The following TMEM178B variants were observed in gnomAD, a reference collection of about 807,000 sequenced individuals.
TMEM178B encodes the protein transmembrane protein 178B.
Under a neutral mutation model 31.0 loss-of-function variants are expected in TMEM178B, and 5 were observed. The observed-to-expected ratio is 0.16, with a 90% confidence interval of 0.08 to 0.34. The LOEUF (loss-of-function observed/expected upper bound fraction) is 0.34, where lower values mean the gene tolerates loss of function less well. Among genes scored for constraint, TMEM178B ranks in the 10% least tolerant of loss-of-function variants. TMEM178B has a pLI of 1.00. For missense variants in TMEM178B, 275 were observed against 400.3 expected, an observed-to-expected ratio of 0.69 and a Z score of 2.67; for synonymous variants, 164 against 164.0, an observed-to-expected ratio of 1.00 and a Z score of 0.00.
At chr7:141,107,760 C>G (rs1184630322) in intron 1 of TMEM178B, among the ~76,000 whole-genome samples, 1 of 152,084 alleles carries the variant, frequency 6.6e-6, no homozygotes, top group Non-Finnish European at 1.5e-5. Flanking sequence ...ACTGGAGATA[C>G]AAATTTGAGA....
intron 2 of TMEM178B, among the ~76,000 whole-genome samples, chr7:141,390,368 A>G (rs10250726): frequency 1.4e-3 from 216 of 152,246 alleles, no homozygotes; most frequent in African/African-American, 3.8e-3. Context: ...GGTGGTTTCT[A>G]TTCTCAAGTG....
intron 2 of TMEM178B, among the ~76,000 whole-genome samples, chr7:141,217,642 A>G (rs1325050322): frequency 1.3e-5 from 2 of 152,184 alleles, no homozygotes; most frequent in African/African-American, 4.8e-5. Flanking sequence ...GTTGCAGGGC[A>G]GACACCCATT....
chr7:141,191,099 T>C (rs971841311), intron 1 of TMEM178B, among the ~76,000 whole-genome samples: 1 of 152,230 alleles, frequency 6.6e-6, no homozygotes, highest in Non-Finnish European at 1.5e-5. Context: ...TCCAGGAGCC[T>C]ATCAATGACA....
rs1802259212 is a variant in TMEM178B at position 141,472,307 on chromosome 7, C to T, written c.*1521C>T. 3 of 152,174 alleles carry T rather than the reference C, an allele frequency of 2.0e-5. No homozygotes were observed. The highest frequency in any genetic ancestry group is 2.4e-5 in the African/African-American group (1 of 41,432). The allele number at this position is 152,174 out of a possible 1,614,324, so 9.4% of individuals were successfully genotyped here. A position where few individuals can be genotyped will look rare whatever the true frequency, so the allele number is the denominator to read the frequency against. ...CTCTTTCCATCCTCTTCCTTTCCCTCTTGATATTCAAGGCCATGAATCCCA... is the reference window on the plus strand; with the variant it reads ...CTCTTTCCATCCTCTTCCTTTCCCTTTTGATATTCAAGGCCATGAATCCCA... On this transcript the variant is annotated 3_prime_UTR_variant, in exon 4 of 4. Coordinates refer to ENST00000565468, the MANE Select transcript of TMEM178B (RefSeq NM_001195278.2).
chr7:141,429,105 T>A (rs1801374119), intron 2 of TMEM178B, among the ~76,000 whole-genome samples: 1 of 152,180 alleles, frequency 6.6e-6, no homozygotes, highest in South Asian at 2.1e-4. Context: ...GAAAACCATA[T>A]GGAGATTCCT....
At chr7:141,342,110 G>A (rs1054131404) in intron 2 of TMEM178B, among the ~76,000 whole-genome samples, 1 of 152,056 alleles carries the variant, frequency 6.6e-6, no homozygotes, top group Non-Finnish European at 1.5e-5. Context: ...ACCACACCTG[G>A]CTAATTTTTG....
chr7:141,247,826 C>G (rs1390302530), intron 2 of TMEM178B, among the ~76,000 whole-genome samples: 3 of 152,060 alleles, frequency 2.0e-5, no homozygotes, highest in Non-Finnish European at 4.4e-5. Flanking sequence ...TATACATATA[C>G]TAAAAATTAT....
At chr7:141,483,435 C>G (rs913260081), downstream of TMEM178B, among the ~76,000 whole-genome samples, 18 of 152,132 alleles carry the variant, frequency 1.2e-4, no homozygotes, top group African/African-American at 4.3e-4. Context: ...CTCCATGCAC[C>G]CTTCATAAGA....
At chr7:141,277,600 A>G (rs1014580780) in intron 2 of TMEM178B, among the ~76,000 whole-genome samples, 1 of 152,230 alleles carries the variant, frequency 6.6e-6, no homozygotes, top group Non-Finnish European at 1.5e-5. Flanking sequence ...AGTAAAAAGT[A>G]TAGTATAGTA....
chr7:141,304,632 T>C, intron 2 of TMEM178B, among the ~76,000 whole-genome samples: 1 of 151,156 alleles, frequency 6.6e-6, no homozygotes, highest in East Asian at 1.9e-4. Flanking sequence ...TCAGGCCTGC[T>C]GCCCAACTCC....
chr7:141,490,537 A>G, the TMEM178B span, among the ~76,000 whole-genome samples: 1 of 152,216 alleles, frequency 6.6e-6, no homozygotes, highest in Admixed American at 6.5e-5. Flanking sequence ...GGGGGAACCA[A>G]CCCTGCCAAC....
rs1028899411 is a variant in TMEM178B at position 141,171,065 on chromosome 7, C to T, written c.383-41526C>T. Among the ~76,000 whole-genome samples, 65 of 121,676 alleles carry T rather than the reference C, an allele frequency of 5.3e-4. No homozygotes were observed. In the Middle Eastern group the frequency reaches 0.017, roughly 32 times the overall value. The allele number at this position is 121,676 out of a possible 152,430, so 79.8% of individuals were successfully genotyped here. On this transcript the variant is annotated intron_variant, in intron 1 of 3. Coordinates refer to ENST00000565468, the MANE Select transcript of TMEM178B (RefSeq NM_001195278.2). This position sits in a 1 kb window ranked among gnomAD's most constrained non-coding sequence, Gnocchi z 4.3. Reference sequence around the variant, plus strand: ...ACACACACACACACACACACACACACCCTAAATATAAATTAAAATAAATAC... The same window carrying T: ...ACACACACACACACACACACACACATCCTAAATATAAATTAAAATAAATAC...
intron 1 of TMEM178B, among the ~76,000 whole-genome samples, chr7:141,192,937 T>A (rs1796721133): frequency 6.6e-6 from 1 of 152,206 alleles, no homozygotes; most frequent in Non-Finnish European, 1.5e-5. Context: ...ATTTTTATTT[T>A]AAAAATCTTA....
At chr7:141,225,276 T>C (rs1797323082) in intron 2 of TMEM178B, among the ~76,000 whole-genome samples, 1 of 152,136 alleles carries the variant, frequency 6.6e-6, no homozygotes, top group Non-Finnish European at 1.5e-5. Flanking sequence ...GCTCCATCCT[T>C]CACCCCTCCC....
At chr7:141,500,050 C>CAAT in the TMEM178B span, among the ~76,000 whole-genome samples, 6 of 152,122 alleles carry the variant, frequency 3.9e-5, no homozygotes, top group Non-Finnish European at 7.3e-5. Context: ...CTCACCTTTA[C>CAAT]AATTTTAAGA....
intron 2 of TMEM178B, among the ~76,000 whole-genome samples, chr7:141,288,484 A>AC (rs1798488027): frequency 8.4e-6 from 1 of 119,226 alleles, no homozygotes; most frequent in African/African-American, 3.6e-5. Flanking sequence ...GAAAAAAATG[A>AC]AAAAAAAAAA....
At chr7:141,334,049 C>G (rs879511474) in intron 2 of TMEM178B, among the ~76,000 whole-genome samples, 7 of 152,182 alleles carry the variant, frequency 4.6e-5, no homozygotes, top group Admixed American at 3.3e-4. Context: ...GGAAGAGAAG[C>G]CAAACCTAGG....
intron 2 of TMEM178B, among the ~76,000 whole-genome samples, chr7:141,275,174 A>G (rs2116387204): frequency 6.6e-6 from 1 of 152,312 alleles, no homozygotes; most frequent in Non-Finnish European, 1.5e-5. Context: ...TTTGTATTCA[A>G]GATACTCAAA....
At chr7:141,141,342 A>G (rs1294091361) in intron 1 of TMEM178B, among the ~76,000 whole-genome samples, 1 of 150,952 alleles carries the variant, frequency 6.6e-6, no homozygotes, top group Non-Finnish European at 1.5e-5. Context: ...ATCATCTTGT[A>G]TTTTTCCTGC....
Sources: gnomAD v4.1 joint callset for allele counts (sites outside exome capture counted in the v4.1 genomes callset) on GRCh38, gnomAD v4.1.1 for gene constraint, Gnocchi (gnomAD v3.1) non-coding constraint, MANE v1.5 for transcripts, NCBI Gene and HGNC (gene_info 2026-07-23, HGNC 2026-07-21) for gene names.